The following SMAD9 variants were observed in gnomAD, a reference collection of about 807,000 sequenced individuals.
SMAD9 encodes SMAD family member 9, also known as MAD homolog 9.
Under a neutral mutation model 46.1 loss-of-function variants are expected in SMAD9, and 36 were observed. The observed-to-expected ratio is 0.78, with a 90% CI of 0.60 to 1.03. SMAD9 has a LOEUF of 1.03. Ranked by LOEUF, SMAD9 falls within the 50% of genes least tolerant of loss-of-function variation. The pLI, the probability that SMAD9 is intolerant of heterozygous loss-of-function variation, is 0.00. For synonymous variants in SMAD9, 245 were observed against 237.1 expected (o/e 1.03, Z -0.31); for missense variants, 572 against 599.8 (o/e 0.95, Z 0.48).
At chr13:36,863,697 G>T (rs1300279987) in intron 5 of SMAD9, among the ~76,000 whole-genome samples, 1 of 152,044 alleles carries the variant, frequency 6.6e-6, no homozygotes, top group African/African-American at 2.4e-5. Flanking sequence ...GTTAAAAAGA[G>T]ACCAGCACCT....
At chr13:36,918,091 A>G (rs1262923033) in intron 1 of SMAD9, among the ~76,000 whole-genome samples, 1 of 152,208 alleles carries the variant, frequency 6.6e-6, no homozygotes, top group Admixed American at 6.5e-5. Context: ...GTCTTGGGCA[A>G]TCACAGATGC....
At chr13:36,871,443 G>A (rs147357704) in intron 3 of SMAD9, among the ~76,000 whole-genome samples, 1 of 152,270 alleles carries the variant, frequency 6.6e-6, no homozygotes, top group South Asian at 2.1e-4. Context: ...GCTTGAACCT[G>A]GGAGGCAGAG....
intron 2 of SMAD9, among the ~76,000 whole-genome samples, chr13:36,875,747 A>G (rs1286440536): frequency 6.6e-6 from 1 of 152,228 alleles, no homozygotes; most frequent in Non-Finnish European, 1.5e-5. Flanking sequence ...TTAATGTAAA[A>G]TATCTACGGT....
intron 5 of SMAD9, among the ~76,000 whole-genome samples, chr13:36,862,683 C>T (rs615543): frequency 0.017 from 2,629 of 152,284 alleles, 72 homozygotes; most frequent in African/African-American, 0.06. Context: ...GTTTCTTTAC[C>T]TCTCTAATAA....
chr13:36,885,961 C>T (rs555080889), intron 1 of SMAD9, among the ~76,000 whole-genome samples: 33 of 152,130 alleles, frequency 2.2e-4, no homozygotes, highest in Admixed American at 1.0e-3. Flanking sequence ...TCTCACTATG[C>T]GGGTACTGGG....
intron 1 of SMAD9, among the ~76,000 whole-genome samples, chr13:36,901,334 C>A (rs1337317795): frequency 6.6e-6 from 1 of 152,000 alleles, no homozygotes; most frequent in East Asian, 1.9e-4. Context: ...CTCACTGACA[C>A]TTGTTATTTT....
Position 36,848,349 on chromosome 13 carries a change from C to A in SMAD9, c.*327G>T. On this transcript the variant is annotated 3_prime_UTR_variant, in exon 7 of 7. Coordinates refer to ENST00000379826, the MANE Select transcript of SMAD9 (RefSeq NM_001127217.3). ...TGTTTCTGTGAGGCCACACAACATG[C>A]TTTATAATGACACGGCTGACTAAAG... The A allele has an allele frequency of 3.0e-6, 1 of 338,510 alleles. No individual in the cohort carries two copies. The highest frequency in any genetic ancestry group is 3.0e-5 in the South Asian group (1 of 33,188). 21.0% of individuals were successfully genotyped at this position (338,510 alleles called of 1,614,324 possible).
chr13:36,912,353 A>T lies in SMAD9; in HGVS notation c.-187+7763T>A, dbSNP rs554229867. 3.3e-5 allele frequency among the ~76,000 whole-genome samples: 5 copies of T among 152,304 alleles called. No homozygotes were observed. In the East Asian group the frequency reaches 9.7e-4, roughly 29 times the overall value. On this transcript the variant is annotated intron_variant, in intron 1 of 6. Transcript: ENST00000379826. ...AGGGAAGTGAAAGGTGGAGTGGTTC[A>T]AGTATCAACAATGAAGTGGACACTA...
At chr13:36,868,610 C>A (rs1177156877) in intron 3 of SMAD9, among the ~76,000 whole-genome samples, 1 of 152,172 alleles carries the variant, frequency 6.6e-6, no homozygotes, top group Non-Finnish European at 1.5e-5. Flanking sequence ...TGGTGGTGTA[C>A]ACCTGTAATC....
chr13:36,909,116 CG>C (rs1480540822), intron 1 of SMAD9, among the ~76,000 whole-genome samples: 1 of 152,056 alleles, frequency 6.6e-6, no homozygotes, highest in Non-Finnish European at 1.5e-5. Context: ...AAAGTTTCAA[CG>C]GAGATTTTGA....
intron 1 of SMAD9, among the ~76,000 whole-genome samples, chr13:36,894,404 T>C (rs944717764): frequency 2.0e-5 from 3 of 152,180 alleles, no homozygotes; most frequent in African/African-American, 4.8e-5. Context: ...CCACCATGAT[T>C]GTGAGGCCTC....
chr13:36,920,184 A>AGCGGCG lies in SMAD9; in HGVS notation c.-256_-255insCGCCGC, dbSNP rs886050176. On this transcript the variant is annotated 5_prime_UTR_variant, in exon 1 of 7. Transcript: ENST00000379826. ...CGGCGGGGACCGAGACAGCGGCTGCAGCAGCGGCGGCGGCGGCGGCGGCGG... is the reference window on the plus strand; with the variant it reads ...CGGCGGGGACCGAGACAGCGGCTGCAGCGGCGGCAGCGGCGGCGGCGGCGGCGGCGG... 16 of 73,038 alleles carry AGCGGCG rather than the reference A, an allele frequency of 2.2e-4. No homozygotes were observed. The highest frequency in any genetic ancestry group is 4.7e-4 in the Non-Finnish European group (12 of 25,674). 4.5% of individuals were successfully genotyped at this position (73,038 alleles called of 1,614,324 possible). A position where few individuals can be genotyped will look rare whatever the true frequency, so the allele number is the denominator to read the frequency against.
rs532449728 is a variant in SMAD9, at chr13:36,871,786, G to A, written c.670+872C>T. Among the ~76,000 whole-genome samples, 73 of 152,284 alleles carry A rather than the reference G, an allele frequency of 4.8e-4. 1 individual carries two copies. The highest frequency in any genetic ancestry group is 1.2e-3 in the African/African-American group (51 of 41,564). On this transcript the variant is annotated intron_variant, in intron 3 of 6. Coordinates refer to ENST00000379826, the MANE Select transcript of SMAD9 (RefSeq NM_001127217.3). ...AATTCCCTCTTTATCTTCCCACATC[G>A]TAGGGACAATTTTTATTAACCTTTT...
intron 2 of SMAD9, 151 bp downstream of exon 2, chr13:36,879,127 A>T: frequency 1.4e-6 from 1 of 692,848 alleles, no homozygotes; most frequent in Non-Finnish European, 2.4e-6. Context: ...AAAATTTTGG[A>T]CGAGTCCCTC....
At chr13:36,871,346 C>T (rs2058292179) in intron 3 of SMAD9, among the ~76,000 whole-genome samples, 3 of 152,022 alleles carry the variant, frequency 2.0e-5, no homozygotes, top group Admixed American at 2.0e-4. Flanking sequence ...GGTGAAACCC[C>T]GTCTCTACTA....
At chr13:36,905,749 T>C (rs998849845) in intron 1 of SMAD9, among the ~76,000 whole-genome samples, 4 of 100,072 alleles carry the variant, frequency 4.0e-5, no homozygotes, top group African/African-American at 7.6e-5. Flanking sequence ...CACTCCAGCC[T>C]AGATAAAAGG....
At chr13:36,902,277 T>C (rs1460710157) in intron 1 of SMAD9, among the ~76,000 whole-genome samples, 1 of 152,232 alleles carries the variant, frequency 6.6e-6, no homozygotes, top group Non-Finnish European at 1.5e-5. Context: ...TTCCATTGAA[T>C]GGTCTTGAAA....
intron 1 of SMAD9, among the ~76,000 whole-genome samples, chr13:36,885,993 T>C (rs2058441738): frequency 6.6e-6 from 1 of 152,142 alleles, no homozygotes; most frequent in Non-Finnish European, 1.5e-5. Context: ...AGGATTACAG[T>C]GCATGGAGAT....
intron 1 of SMAD9, among the ~76,000 whole-genome samples, chr13:36,893,393 T>C (rs1276254104): frequency 1.3e-5 from 2 of 148,680 alleles, no homozygotes; most frequent in Non-Finnish European, 3.0e-5. Context: ...ATTGTACATA[T>C]ATATATATAT....
Sources: allele counts gnomAD v4.1 joint callset (sites outside exome capture counted in the v4.1 genomes callset), GRCh38; gene constraint gnomAD v4.1.1; transcripts MANE v1.5; gene names NCBI Gene and HGNC (gene_info 2026-07-23, HGNC 2026-07-21).